The following ZMYND11 variants were observed in gnomAD, a reference collection of about 807,000 sequenced individuals.
ZMYND11 encodes the protein zinc finger MYND domain-containing protein 11.
Under a neutral mutation model 84.9 loss-of-function variants are expected in ZMYND11, and 9 were observed. The observed-to-expected ratio is 0.11, with a 90% CI of 0.06 to 0.18. The LOEUF is 0.18. Ranked by LOEUF, ZMYND11 falls within the 10% of genes least tolerant of loss-of-function variation. The pLI is 1.00. For synonymous variants in ZMYND11, 250 were observed against 244.1 expected, an observed-to-expected ratio of 1.02 and a Z score of -0.23; for missense variants, 409 against 761.0, an observed-to-expected ratio of 0.54 and a Z score of 5.44.
At chr10:206,926 G>A (rs1016224001) in intron 2 of ZMYND11, among the ~76,000 whole-genome samples, 1 of 151,940 alleles carries the variant, frequency 6.6e-6, no homozygotes, top group South Asian at 2.1e-4. Flanking sequence ...CCATGCTGGT[G>A]TGCTGCACCC....
At chr10:230,463 A>C (rs1948815023) in intron 4 of ZMYND11, among the ~76,000 whole-genome samples, 1 of 94,556 alleles carries the variant, frequency 1.1e-5, no homozygotes, top group Non-Finnish European at 1.9e-5. Flanking sequence ...ACAGAGTGAG[A>C]CTCAGTCTCA....
chr10:181,136 T>C (rs1220591002), intron 2 of ZMYND11, among the ~76,000 whole-genome samples: 1 of 152,242 alleles, frequency 6.6e-6, no homozygotes, highest in Non-Finnish European at 1.5e-5. Context: ...GTTTGGAATT[T>C]TAAAAATAAT....
At chr10:236,450 AATTCACC>A (rs2131670955) in intron 4 of ZMYND11, among the ~76,000 whole-genome samples, 1 of 152,360 alleles carries the variant, frequency 6.6e-6, no homozygotes, top group South Asian at 2.1e-4. Flanking sequence ...GTTGTATTGA[AATTCACC>A]ATTCATTATT....
intron 14 of ZMYND11, chr10:249,415 T>G (rs1952869345): frequency 2.0e-6 from 2 of 985,304 alleles, no homozygotes; most frequent in East Asian, 1.1e-4. Flanking sequence ...GACTTTTACC[T>G]GGTGATTTCA....
intron 10 of ZMYND11, 105 bp from the exon 11 acceptor site, chr10:246,661 C>T: frequency 9.3e-7 from 1 of 1,076,292 alleles, no homozygotes; most frequent in Non-Finnish European, 1.4e-6. Flanking sequence ...ACGAGAACTG[C>T]CACAGGTCGC....
intron 1 of ZMYND11, among the ~76,000 whole-genome samples, chr10:149,904 T>G (rs1194436165): frequency 1.3e-5 from 2 of 152,144 alleles, no homozygotes; most frequent in African/African-American, 4.8e-5. Context: ...GTTTATATGC[T>G]GGATTACGTT....
intron 3 of ZMYND11, among the ~76,000 whole-genome samples, chr10:219,066 T>C (rs1946682584): frequency 6.6e-6 from 1 of 152,236 alleles, no homozygotes; most frequent in Non-Finnish European, 1.5e-5. Flanking sequence ...CATATAAATG[T>C]GTCCAGATGT....
chr10:161,758 A>G (rs782640284), intron 1 of ZMYND11, among the ~76,000 whole-genome samples: 1 of 152,158 alleles, frequency 6.6e-6, no homozygotes, highest in Non-Finnish European at 1.5e-5. Flanking sequence ...CTCAGCCTTC[A>G]TAGAACCGAA....
chr10:200,385 A>G (rs1383292390), intron 2 of ZMYND11, among the ~76,000 whole-genome samples: 1 of 146,540 alleles, frequency 6.8e-6, no homozygotes, highest in Non-Finnish European at 1.5e-5. Context: ...TGTATATATA[A>G]CAATATATAT....
At chr10:206,199 A>C (rs528811427) in intron 2 of ZMYND11, among the ~76,000 whole-genome samples, 2 of 152,046 alleles carry the variant, frequency 1.3e-5, no homozygotes, top group African/African-American at 4.8e-5. Flanking sequence ...ATCTCTACTA[A>C]AAATACAAAA....
At chr10:203,506 T>G (rs1364502868) in intron 2 of ZMYND11, among the ~76,000 whole-genome samples, 1 of 152,138 alleles carries the variant, frequency 6.6e-6, no homozygotes, top group Non-Finnish European at 1.5e-5. Flanking sequence ...TTAACTTGGT[T>G]ATGGAGATTT....
intron 1 of ZMYND11, among the ~76,000 whole-genome samples, chr10:170,431 CGTGTGTGT>C (rs147441773): frequency 3.4e-5 from 5 of 147,712 alleles, no homozygotes; most frequent in African/African-American, 5.0e-5. Flanking sequence ...ATTATGTGTG[CGTGTGTGT>C]GTGTGTGTGT....
upstream of ZMYND11, among the ~76,000 whole-genome samples, chr10:130,941 A>G (rs151268903): frequency 6.6e-6 from 1 of 152,180 alleles, no homozygotes; most frequent in East Asian, 1.9e-4. Flanking sequence ...AACATGGCGA[A>G]ACCCCATCTC....
intron 1 of ZMYND11, among the ~76,000 whole-genome samples, chr10:157,806 C>T (rs1554759841): frequency 6.6e-6 from 1 of 152,118 alleles, no homozygotes; most frequent in Admixed American, 6.6e-5. Context: ...TAGCCGTTAC[C>T]ACCGTCTAAT....
chr10:251,455 C>G (rs538462579), intron 14 of ZMYND11, among the ~76,000 whole-genome samples: 1 of 152,262 alleles, frequency 6.6e-6, no homozygotes, highest in African/African-American at 2.4e-5. Flanking sequence ...GTTTAGGTAT[C>G]AAATGTAGGC....
At chr10:161,548 T>C (rs1465440638) in intron 1 of ZMYND11, among the ~76,000 whole-genome samples, 1 of 152,236 alleles carries the variant, frequency 6.6e-6, no homozygotes, top group Non-Finnish European at 1.5e-5. Context: ...ATGGCATTTC[T>C]TCCAATATGA....
chr10:196,873 A>G (rs776492520), intron 2 of ZMYND11, among the ~76,000 whole-genome samples: 1 of 152,254 alleles, frequency 6.6e-6, no homozygotes, highest in Non-Finnish European at 1.5e-5. Flanking sequence ...TAGTTCTGCC[A>G]GTACAACATG....
At chr10:191,705 A>G (rs1244147030) in intron 2 of ZMYND11, among the ~76,000 whole-genome samples, 1 of 152,244 alleles carries the variant, frequency 6.6e-6, no homozygotes, top group Non-Finnish European at 1.5e-5. Flanking sequence ...AGATACTTGG[A>G]AAATAGAAAA....
At chr10:200,384 A>G (rs945640586) in intron 2 of ZMYND11, among the ~76,000 whole-genome samples, 4 of 146,486 alleles carry the variant, frequency 2.7e-5, no homozygotes, top group African/African-American at 1.0e-4. Flanking sequence ...ATGTATATAT[A>G]ACAATATATA....
Sources: gnomAD v4.1 joint callset for allele counts (sites outside exome capture counted in the v4.1 genomes callset) on GRCh38, gnomAD v4.1.1 for gene constraint, MANE v1.5 for transcripts, NCBI Gene and HGNC (gene_info 2026-07-23, HGNC 2026-07-21) for gene names.